The following ITPR2 variants were observed in gnomAD, a reference collection of about 807,000 sequenced individuals.
ITPR2 encodes inositol 1,4,5-trisphosphate-gated calcium channel ITPR2.
A neutral mutation model predicts 317.1 loss-of-function variants in ITPR2; 207 were observed. The ratio of observed to expected loss-of-function variants is 0.65; its 90% CI spans 0.58 to 0.73. The LOEUF (loss-of-function observed/expected upper bound fraction) is 0.73. Among genes scored for constraint, ITPR2 ranks in the 30% least tolerant of loss-of-function variants. The pLI, the probability that ITPR2 is intolerant of heterozygous loss-of-function variation, is 0.00. For missense variants in ITPR2, 2,613 were observed against 3,284.0 expected, an observed-to-expected ratio of 0.80 and a Z score of 4.99; for synonymous variants, 1,156 against 1,149.1, an observed-to-expected ratio of 1.01 and a Z score of -0.12.
At chr12:26,620,411 G>A (rs899013785) in intron 26 of ITPR2, among the ~76,000 whole-genome samples, 15 of 152,200 alleles carry the variant, frequency 9.9e-5, no homozygotes, top group African/African-American at 1.9e-4. Flanking sequence ...CCATCAAAAC[G>A]GCTTATATGC....
chr12:26,492,820 G>T (rs1565558572), intron 39 of ITPR2, among the ~76,000 whole-genome samples: 3 of 151,796 alleles, frequency 2.0e-5, no homozygotes, highest in Non-Finnish European at 4.4e-5. Flanking sequence ...AATTTTAAAT[G>T]CTCTCACTAC....
At chr12:26,657,474 A>G (rs1357464890) in intron 18 of ITPR2, among the ~76,000 whole-genome samples, 1 of 152,216 alleles carries the variant, frequency 6.6e-6, no homozygotes, top group Non-Finnish European at 1.5e-5. Context: ...TGGCTGCACA[A>G]TAATTCCAAG....
At chr12:26,456,754 C>A (rs932877159) in intron 45 of ITPR2, among the ~76,000 whole-genome samples, 1 of 152,124 alleles carries the variant, frequency 6.6e-6, no homozygotes, top group Non-Finnish European at 1.5e-5. Context: ...CTCACTGCAA[C>A]CTCCACCACC....
In ITPR2 at chr12:26,415,433, G is replaced by A; in HGVS notation, c.7176C>T (p.Gly2392=). ...GGACTGCAGTTAGAATAATAGAGCG[G>A]CCATTTCGTGTGACACTTTTTATGA... is the stretch of plus-strand genomic sequence containing the variant. ...LNVIKSVTRN[G]RSIILTAVLA... The change falls in exon 51 of 57, where the codon GGC becomes GGT. Residue 2392 remains glycine, a synonymous_variant. Transcript: ENST00000381340. The A allele has an allele frequency of 6.2e-7, 1 of 1,611,032 alleles. No individual in the cohort carries two copies. The highest frequency in any genetic ancestry group is 1.1e-5 in the South Asian group (1 of 90,736).
chr12:26,493,538 T>C (rs3782293), intron 39 of ITPR2, among the ~76,000 whole-genome samples: 11,172 of 152,186 alleles, frequency 0.073, 466 homozygotes, highest in South Asian at 0.13. Context: ...TATTGTATAT[T>C]TTCAAACAGC....
chr12:26,795,611 C>T (rs1327306025), intron 1 of ITPR2, among the ~76,000 whole-genome samples: 1 of 152,144 alleles, frequency 6.6e-6, no homozygotes, highest in Non-Finnish European at 1.5e-5. Flanking sequence ...GACTTCCATC[C>T]ACCCAAGGAC....
chr12:26,768,691 A>G (rs1312782143), intron 2 of ITPR2, among the ~76,000 whole-genome samples: 2 of 151,200 alleles, frequency 1.3e-5, no homozygotes, highest in Non-Finnish European at 2.9e-5. Context: ...AAGGACCCAC[A>G]TCTGGGTCCT....
chr12:26,351,099 G>A (rs1263917520), intron 55 of ITPR2, among the ~76,000 whole-genome samples: 1 of 152,232 alleles, frequency 6.6e-6, no homozygotes, highest in Admixed American at 6.5e-5. Context: ...CCGGGAACAT[G>A]AAGAAGCAGG....
intron 2 of ITPR2, among the ~76,000 whole-genome samples, chr12:26,778,899 T>C (rs764822335): frequency 6.6e-6 from 1 of 152,154 alleles, no homozygotes; most frequent in Non-Finnish European, 1.5e-5. Flanking sequence ...AAGGGTAAAT[T>C]GCTGCATTTG....
At chr12:26,637,014 G>A (rs1172492137) in intron 21 of ITPR2, among the ~76,000 whole-genome samples, 1 of 152,158 alleles carries the variant, frequency 6.6e-6, no homozygotes, top group African/African-American at 2.4e-5. Context: ...AATTAAAACT[G>A]TGTACTGAAA....
intron 23 of ITPR2, among the ~76,000 whole-genome samples, chr12:26,626,138 AT>A (rs1246984024): frequency 6.6e-6 from 1 of 151,790 alleles, no homozygotes; most frequent in Non-Finnish European, 1.5e-5. Context: ...ATTTTTTTGT[AT>A]TTTTTTGTAG....
At chr12:26,803,344 G>A (rs182494298) in intron 1 of ITPR2, among the ~76,000 whole-genome samples, 36 of 144,270 alleles carry the variant, frequency 2.5e-4, no homozygotes, top group Middle Eastern at 6.9e-3. Context: ...CACAGTGACT[G>A]GCATATAGTA....
At chr12:26,510,838 C>T (rs1943326303) in intron 37 of ITPR2, among the ~76,000 whole-genome samples, 1 of 152,108 alleles carries the variant, frequency 6.6e-6, no homozygotes, top group African/African-American at 2.4e-5. Context: ...ATTTGCTCTT[C>T]CGAAATATTT....
At position 26,433,654 on chromosome 12, in the gene ITPR2, G is replaced by C. The variant is rs146135279; in HGVS notation, c.6769+2567C>G. ...AAAAAATACAAAGATTAGTAAACTT[G>C]TCCTTGTCCTCAGAGAGTTCACAGT... is the stretch of plus-strand genomic sequence containing the variant. On this transcript the variant is annotated intron_variant, in intron 48 of 56. Coordinates refer to ENST00000381340, the MANE Select transcript of ITPR2 (RefSeq NM_002223.4). 6.0e-4 allele frequency among the ~76,000 whole-genome samples: 91 copies of C among 152,186 alleles called. 2 individuals carry two copies. Among genetic ancestry groups the C allele is most frequent in the African/African-American group, 2.1e-3 (86 of 41,530 alleles).
chr12:26,629,577 C>T (rs1490538479), intron 22 of ITPR2, among the ~76,000 whole-genome samples: 4 of 135,350 alleles, frequency 3.0e-5, no homozygotes, highest in African/African-American at 1.2e-4. Flanking sequence ...CACAGCAAGA[C>T]CCTGTCTCAA....
chr12:26,456,023 A>G (rs1941876183), intron 45 of ITPR2, among the ~76,000 whole-genome samples: 2 of 152,232 alleles, frequency 1.3e-5, no homozygotes, highest in African/African-American at 4.8e-5. Context: ...AATAATTAAT[A>G]TATGCCTTGT....
intron 37 of ITPR2, 101 bp downstream of exon 37, chr12:26,550,146 A>G (rs1944487846): frequency 5.4e-6 from 3 of 553,378 alleles, no homozygotes; most frequent in Admixed American, 7.6e-5. Flanking sequence ...TCATTAAGAT[A>G]TAATGCAAGT....
chr12:26,609,292 C>T (rs1367727007), intron 26 of ITPR2, among the ~76,000 whole-genome samples: 1 of 152,198 alleles, frequency 6.6e-6, no homozygotes, highest in African/African-American at 2.4e-5. Flanking sequence ...AGAATCTTCA[C>T]TAACAACTTG....
intron 2 of ITPR2, among the ~76,000 whole-genome samples, chr12:26,769,026 C>CACACACACACACA (rs201911951): frequency 1.2e-4 from 18 of 149,848 alleles, no homozygotes; most frequent in South Asian, 2.1e-4. Context: ...CACACACACA[C>CACACACACACACA]CCCAATCTCA....
Sources: allele counts gnomAD v4.1 joint callset (sites outside exome capture counted in the v4.1 genomes callset), GRCh38; gene constraint gnomAD v4.1.1; transcripts MANE v1.5; gene names NCBI Gene and HGNC (gene_info 2026-07-23, HGNC 2026-07-21).